Variants in ZAN observed in about 807,000 individuals in gnomAD.
The protein encoded by ZAN is zonadhesin, also known as zonadhesin (gene/pseudogene).
Under a neutral mutation model 286.2 loss-of-function variants are expected in ZAN, and 260 were observed. The observed-to-expected ratio is 0.91, with a 90% confidence interval of 0.82 to 1.01. The LOEUF is 1.01. Ranked by LOEUF, ZAN falls within the 50% of genes least tolerant of loss-of-function variation. The pLI, the probability that ZAN is intolerant of heterozygous loss-of-function variation, is 0.00. For missense variants in ZAN, 3,410 were observed against 3,639.2 expected (o/e 0.94, Z 1.62); for synonymous variants, 1,368 against 1,417.5 (o/e 0.97, Z 0.79).
chr7:100,760,215 T>TAAAAAC (rs936034115), intron 18 of ZAN, among the ~76,000 whole-genome samples, 176 bp from the exon 19 acceptor site: 3 of 151,966 alleles, frequency 2.0e-5, no homozygotes, highest in East Asian at 1.9e-4. Flanking sequence ...CACTGTCTCC[T>TAAAAAC]AAAAACAAAA....
chr7:100,765,986 T>C (rs1159660766), intron 23 of ZAN, among the ~76,000 whole-genome samples: 1 of 149,238 alleles, frequency 6.7e-6, no homozygotes, highest in African/African-American at 2.5e-5. Context: ...TTGTTGTTTT[T>C]GGTTTTTGTT....
At position 100,779,389 on chromosome 7, in the gene ZAN, A is replaced by T. The variant is rs1304181253; in HGVS notation, c.6318-57A>T. The T allele has an allele frequency of 1.1e-5, 16 of 1,499,454 alleles. No individual in the cohort carries two copies. The South Asian group carries it at 1.2e-4, about 11-fold the overall frequency. 92.9% of individuals were successfully genotyped at this position (1,499,454 alleles called of 1,614,324 possible). The stretch of plus-strand genomic sequence containing the variant: ...CAAGACTCCCCCTAAAGAAAAAAAA[A>T]TTTTGTGTCATAGTAGGGGGACGGC... On this transcript the variant is annotated intron_variant, in intron 34 of 47. Transcript: ENST00000613979.
intron 17 of ZAN, 64 bp downstream of exon 17, chr7:100,758,714 G>T (rs1287679517): frequency 1.3e-6 from 2 of 1,529,506 alleles, no homozygotes; most frequent in East Asian, 4.9e-5. Flanking sequence ...GCTAGGCATG[G>T]GGCATGGTGG....
intron 38 of ZAN, 99 bp downstream of exon 38, chr7:100,788,235 G>A: frequency 7.2e-7 from 1 of 1,394,498 alleles, no homozygotes. Context: ...TGGGATGTTT[G>A]TGGCAGGGGT....
At chr7:100,789,766 G>A (rs1399778449) in intron 39 of ZAN, among the ~76,000 whole-genome samples, 6 of 151,748 alleles carry the variant, frequency 4.0e-5, no homozygotes, top group Non-Finnish European at 8.8e-5. Flanking sequence ...CAAACATGGC[G>A]AAACCCCATC....
rs1810240732 is a variant in ZAN at position 100,769,579 on chromosome 7, C to G, written c.5154-301C>G. Among the ~76,000 whole-genome samples the G allele has an allele frequency of 1.3e-5, 2 of 149,682 alleles. 1 individual carries two copies. The highest frequency in any genetic ancestry group is 1.4e-4 in the Admixed American group (2 of 14,648). On this transcript the variant is annotated intron_variant, in intron 27 of 47. Transcript: ENST00000613979. The stretch of plus-strand genomic sequence containing the variant: ...TCTTTTCTTGAGACAGGGTCTTGCT[C>G]TGTTGCCCAGGCTGGAGTGCAGTGG...
At chr7:100,785,850 G>T (rs1052779518) in intron 36 of ZAN, 147 bp from the exon 37 acceptor site, 2 of 1,031,758 alleles carry the variant, frequency 1.9e-6, no homozygotes, top group South Asian at 1.7e-5. Flanking sequence ...GTAGAGACAG[G>T]GTTTCACCAT....
chr7:100,789,071 G>T, intron 38 of ZAN, 147 bp from the exon 39 acceptor site: 4 of 1,217,742 alleles, frequency 3.3e-6, no homozygotes, highest in Admixed American at 3.1e-5. Context: ...TTTCTGCCAC[G>T]TGAATAGCAA....
rs373383054 is a variant in ZAN, at chr7:100,736,807, A to G, written c.254-2A>G. The G allele has an allele frequency of 4.1e-6, 6 of 1,471,094 alleles. 1 individual carries two copies. Among genetic ancestry groups the G allele is most frequent in the Non-Finnish European group, 5.5e-6 (6 of 1,081,488 alleles). The allele number at this position is 1,471,094 out of a possible 1,614,324, so 91.1% of individuals were successfully genotyped here. A position where few individuals can be genotyped will look rare whatever the true frequency, so the allele number is the denominator to read the frequency against. The stretch of plus-strand genomic sequence containing the variant: ...CAGTGTCTTGGGCTCTGCCTCCCCC[A>G]GAGGGCAGCTATCTGCATATGGAAT... On this transcript the variant is annotated splice_acceptor_variant, in intron 4 of 47. Coordinates refer to ENST00000613979, the MANE Select transcript of ZAN (RefSeq NM_003386.3). LOFTEE classifies it high-confidence loss of function.
chr7:100,748,316 TC>T lies in ZAN; in HGVS notation c.1103-3del. The T allele has an allele frequency of 9.9e-6, 16 of 1,613,816 alleles. No individual in the cohort carries two copies. Among genetic ancestry groups the T allele is most frequent in the Non-Finnish European group, 1.4e-5 (16 of 1,179,858 alleles). ...AACTTGCTCAAATATCCTATTTTGA[TC>T]CCCCAGAGGGTTTTCCTCAGTGTGA... On this transcript the variant is annotated splice_region_variant and splice_polypyrimidine_tract_variant and intron_variant, in intron 10 of 47. Coordinates refer to ENST00000613979, the MANE Select transcript of ZAN (RefSeq NM_003386.3).
In ZAN at chr7:100,744,586, A is replaced by G. The variant is rs1297568510; in HGVS notation, c.767-1952A>G. On this transcript the variant is annotated intron_variant, in intron 7 of 47. Transcript: ENST00000613979. ...GCACTCCAGCCTGGGCAACAGAGTGAGACTCCATCTCAATAAAAATAAATA... is the reference window on the plus strand; with the variant it reads ...GCACTCCAGCCTGGGCAACAGAGTGGGACTCCATCTCAATAAAAATAAATA... Among the ~76,000 whole-genome samples, 8 of 150,974 alleles carry G rather than the reference A, an allele frequency of 5.3e-5. 1 individual carries two copies. Among genetic ancestry groups the G allele is most frequent in the Non-Finnish European group, 8.9e-5 (6 of 67,742 alleles).
At chr7:100,772,097 C>T (rs1218116146) in intron 29 of ZAN, 77 bp downstream of exon 29, 167 of 1,228,016 alleles carry the variant, frequency 1.4e-4, no homozygotes, top group South Asian at 3.5e-5. Context: ...CCTCTAAATT[C>T]TTTTTTTTTT....
Position 100,751,756 on chromosome 7 carries a change from A to G in ZAN, c.1651A>G (p.Thr551Ala). 2 of 1,601,086 alleles carry G rather than the reference A, an allele frequency of 1.2e-6. No individual in the cohort carries two copies. The highest frequency in any genetic ancestry group is 1.7e-6 in the Non-Finnish European group (2 of 1,176,890). The change falls in exon 14 of 48, where the codon ACT becomes GCT. Residue 551 changes from threonine (T) to alanine (A), a missense_variant. This residue lies in a region of ZAN where 872 missense variants were observed against 938.9 expected (regional missense o/e 0.93). Coordinates refer to ENST00000613979, the MANE Select transcript of ZAN (RefSeq NM_003386.3). ...TCCTCCCGTATCTCCAGTTTCTTCCACTGGCCCTTCTGAAACCACTGGCCT... is the reference window on the plus strand; with the variant it reads ...TCCTCCCGTATCTCCAGTTTCTTCCGCTGGCCCTTCTGAAACCACTGGCCT... ...ELPPVSPVSS[T>A]GPSETTGLTE...
At chr7:100,743,579 AT>A (rs1807966277) in intron 7 of ZAN, among the ~76,000 whole-genome samples, 1 of 151,942 alleles carries the variant, frequency 6.6e-6, no homozygotes, top group Admixed American at 6.6e-5. Flanking sequence ...ATTTAAAAAA[AT>A]GTTTTTAAAA....
In ZAN at chr7:100,786,157, G is replaced by A. The variant is rs1322906318; in HGVS notation, c.6979+16G>A. On this transcript the variant is annotated intron_variant, in intron 37 of 47. Coordinates refer to ENST00000613979, the MANE Select transcript of ZAN (RefSeq NM_003386.3). ...GTCTCAGACAGTAAGGGGAGCGACC[G>A]GGGAGGTTGGAGAGGGGAGCACCTG... 28 of 1,613,264 alleles carry A rather than the reference G, an allele frequency of 1.7e-5. No homozygotes were observed. Among genetic ancestry groups the A allele is most frequent in the Non-Finnish European group, 2.2e-5 (26 of 1,179,612 alleles).
intron 29 of ZAN, 72 bp from the exon 30 acceptor site, chr7:100,773,213 A>C: frequency 6.4e-7 from 1 of 1,556,664 alleles, no homozygotes; most frequent in East Asian, 2.3e-5. Flanking sequence ...CACTACTAGG[A>C]GCTTTTGATG....
intron 29 of ZAN, among the ~76,000 whole-genome samples, chr7:100,772,917 G>A (rs891123391): frequency 2.0e-5 from 3 of 149,448 alleles, no homozygotes; most frequent in Non-Finnish European, 3.0e-5. Flanking sequence ...TGTCGCCCAG[G>A]CTGGAGTGCA....
chr7:100,758,449 G>C (rs1275969008), intron 16 of ZAN, 82 bp from the exon 17 acceptor site: 9 of 1,563,992 alleles, frequency 5.8e-6, no homozygotes, highest in Admixed American at 3.7e-5. Context: ...GCCTGCCACC[G>C]GGCAGCGGGT....
At chr7:100,742,879 GGGAGGGGGAGGGGGACGGGGAC>G in intron 7 of ZAN, among the ~76,000 whole-genome samples, 1 of 22,452 alleles carries the variant, frequency 4.5e-5, no homozygotes. Context: ...ACGAGGGAGA[GGGAGGGGGAGGGGGACGGGGAC>G]GATCTGACTT....
Sources: allele counts gnomAD v4.1 joint callset (sites outside exome capture counted in the v4.1 genomes callset), GRCh38; gene constraint gnomAD v4.1.1; regional missense constraint gnomAD v4.1.1; transcripts MANE v1.5; gene names NCBI Gene and HGNC (gene_info 2026-07-23, HGNC 2026-07-21).